Variants in ARHGAP24 observed in about 807,000 individuals in gnomAD.
ARHGAP24 encodes the protein rho GTPase-activating protein 24.
A neutral mutation model predicts 76.4 loss-of-function variants in ARHGAP24; 50 were observed. The ratio of observed to expected loss-of-function variants is 0.65; its 90% CI spans 0.52 to 0.83. ARHGAP24 has a LOEUF of 0.83. ARHGAP24 is among the 40% of genes least tolerant of loss of function. The pLI, the probability that ARHGAP24 is intolerant of heterozygous loss-of-function variation, is 0.00. For missense variants in ARHGAP24, 930 were observed against 914.2 expected (o/e 1.02, Z -0.22); for synonymous variants, 345 against 323.3 (o/e 1.07, Z -0.72).
At position 85,672,723 on chromosome 4, in the gene ARHGAP24, G is replaced by A. The variant is rs561422661; in HGVS notation, c.181-49162G>A. 3.9e-3 allele frequency among the ~76,000 whole-genome samples: 596 copies of A among 152,332 alleles called. 3 individuals are homozygous for A. The highest frequency in any genetic ancestry group is 7.2e-3 in the Non-Finnish European group (492 of 68,030). On this transcript the variant is annotated intron_variant, in intron 2 of 9. Coordinates refer to ENST00000395184, the MANE Select transcript of ARHGAP24 (RefSeq NM_001025616.3). ...ATGGTGGGGAAACATTTGATGCTAA[G>A]TGTCAATCAGGATGAGGACTGGGGA...
In ARHGAP24 at chr4:85,945,326, T is replaced by C. The variant is rs550049455; in HGVS notation, c.599+3053T>C. 4.0e-5 allele frequency among the ~76,000 whole-genome samples: 6 copies of C among 150,802 alleles called. No individual in the cohort carries two copies. The East Asian group carries it at 1.2e-3, about 30-fold the overall frequency. ...CCTGACTATTTTTTGTATATTTTGT[T>C]GAGATGGAGTTTCACCATGTTGGCC... On this transcript the variant is annotated intron_variant, in intron 5 of 9. Coordinates refer to ENST00000395184, the MANE Select transcript of ARHGAP24 (RefSeq NM_001025616.3).
intron 1 of ARHGAP24, among the ~76,000 whole-genome samples, chr4:85,490,020 T>G (rs555841998): frequency 3.9e-5 from 6 of 152,272 alleles, no homozygotes; most frequent in African/African-American, 1.4e-4. Flanking sequence ...ATGACATCAT[T>G]TATGAGCTGT....
intron 1 of ARHGAP24, among the ~76,000 whole-genome samples, chr4:85,527,830 C>T (rs1290324923): frequency 6.6e-6 from 1 of 152,104 alleles, no homozygotes; most frequent in East Asian, 1.9e-4. Context: ...GCAGAATCCT[C>T]TCATTTGATC....
chr4:85,936,500 G>A (rs1051050792), intron 4 of ARHGAP24, among the ~76,000 whole-genome samples: 3 of 152,036 alleles, frequency 2.0e-5, no homozygotes, highest in African/African-American at 7.2e-5. Context: ...GTGGCACCTT[G>A]CCTAAACCTC....
Position 85,484,842 on chromosome 4 carries a change from C to T in ARHGAP24, c.-21+9283C>T, listed in dbSNP as rs1287404795. 2.6e-5 allele frequency among the ~76,000 whole-genome samples: 4 copies of T among 152,170 alleles called. No homozygotes were observed. The East Asian group carries it at 7.8e-4, about 30-fold the overall frequency. On this transcript the variant is annotated intron_variant, in intron 1 of 9. Transcript: ENST00000395184. ...ATGTTGGCCAGGCTGGTCTCAAACT[C>T]CTGACCTCAAGTCATCTGCCTGCCT...
intron 1 of ARHGAP24, among the ~76,000 whole-genome samples, chr4:85,565,935 G>A (rs1726824777): frequency 6.6e-6 from 1 of 152,122 alleles, no homozygotes; most frequent in East Asian, 1.9e-4. Flanking sequence ...ATACTGTTGT[G>A]TTCTTGGCCC....
rs535056269 is a variant in ARHGAP24, at chr4:85,947,008, T to G, written c.599+4735T>G. ...ACCAACATCTGTTATTTTTTGACTTTTTAACAAAAGCTATTCTGACTAGTG... is the reference window on the plus strand; with the variant it reads ...ACCAACATCTGTTATTTTTTGACTTGTTAACAAAAGCTATTCTGACTAGTG... On this transcript the variant is annotated intron_variant, in intron 5 of 9. Coordinates refer to ENST00000395184, the MANE Select transcript of ARHGAP24 (RefSeq NM_001025616.3). Among the ~76,000 whole-genome samples, 24 of 152,308 alleles carry G rather than the reference T, an allele frequency of 1.6e-4. 1 individual carries two copies. In the South Asian group the frequency reaches 5.0e-3, roughly 32 times the overall value.
intron 2 of ARHGAP24, among the ~76,000 whole-genome samples, chr4:85,664,807 A>C (rs1169302523): frequency 6.6e-6 from 1 of 151,976 alleles, no homozygotes; most frequent in Non-Finnish European, 1.5e-5. Flanking sequence ...TTCAGTTTCC[A>C]CGTAGCTGAG....
chr4:85,674,014 A>G (rs1367032494), intron 2 of ARHGAP24, among the ~76,000 whole-genome samples: 2 of 152,146 alleles, frequency 1.3e-5, no homozygotes, highest in Non-Finnish European at 2.9e-5. Context: ...ACAGACTCTC[A>G]TGATGTCTTA....
At chr4:85,683,126 G>GGGGGGGT (rs1723286571) in intron 2 of ARHGAP24, among the ~76,000 whole-genome samples, 1 of 87,534 alleles carries the variant, frequency 1.1e-5, no homozygotes, top group Non-Finnish European at 2.1e-5. Flanking sequence ...GTGGGGGGGG[G>GGGGGGGT]GTGCGGGGGC....
chr4:85,932,927 G>T (rs1234900751), intron 4 of ARHGAP24, among the ~76,000 whole-genome samples: 2 of 152,112 alleles, frequency 1.3e-5, no homozygotes, highest in East Asian at 3.9e-4. Flanking sequence ...CCGCCACCTT[G>T]CTCTTGCTGC....
At chr4:85,572,011 A>G (rs1285506057) in intron 2 of ARHGAP24, among the ~76,000 whole-genome samples, 1 of 152,122 alleles carries the variant, frequency 6.6e-6, no homozygotes, top group African/African-American at 2.4e-5. Context: ...CTGTTATTTC[A>G]TTTGTCATTG....
intron 3 of ARHGAP24, among the ~76,000 whole-genome samples, chr4:85,728,890 G>A (rs916810629): frequency 9.9e-5 from 15 of 152,146 alleles, no homozygotes; most frequent in African/African-American, 3.6e-4. Context: ...TTAACTTGCT[G>A]TCATTTGAAA....
chr4:85,682,793 A>G (rs1723256824), intron 2 of ARHGAP24, among the ~76,000 whole-genome samples: 1 of 152,034 alleles, frequency 6.6e-6, no homozygotes, highest in South Asian at 2.1e-4. Context: ...AGAGTATTGG[A>G]CTCTCTGTAA....
chr4:85,647,714 A>C (rs1331739950), intron 2 of ARHGAP24, among the ~76,000 whole-genome samples: 1 of 152,138 alleles, frequency 6.6e-6, no homozygotes, highest in Non-Finnish European at 1.5e-5. Flanking sequence ...ATAATGAAGC[A>C]CTGAGTACTC....
At chr4:85,743,380 G>A (rs1578189960) in intron 3 of ARHGAP24, among the ~76,000 whole-genome samples, 1 of 111,112 alleles carries the variant, frequency 9.0e-6, no homozygotes, top group Non-Finnish European at 1.7e-5. Context: ...ACGCCAAGGC[G>A]GGATCCCATC....
rs182279639 is a variant in ARHGAP24, at chr4:85,749,190, G to A, written c.268+27218G>A. Among the ~76,000 whole-genome samples the A allele has an allele frequency of 2.5e-4, 38 of 152,260 alleles. No homozygotes were observed. The Middle Eastern group carries it at 0.01, about 41-fold the overall frequency. ...ATATGTTGTCTTTTTCTCATTTGCC[G>A]AAGGTAGATTCTAGGAATTCCTTCA... On this transcript the variant is annotated intron_variant, in intron 3 of 9. Transcript: ENST00000395184.
At chr4:85,984,586 G>A (rs753635250) in intron 8 of ARHGAP24, among the ~76,000 whole-genome samples, 6 of 152,024 alleles carry the variant, frequency 3.9e-5, no homozygotes, top group Non-Finnish European at 5.9e-5. Context: ...ATCTTGTTGG[G>A]GACACAAACA....
At chr4:85,722,079 A>C in intron 3 of ARHGAP24, 107 bp downstream of exon 3, 1 of 1,028,032 alleles carries the variant, frequency 9.7e-7, no homozygotes, top group South Asian at 1.3e-5. Flanking sequence ...TGAGAACCTT[A>C]ATTTGAGGCT....
Sources: gnomAD v4.1 joint callset for allele counts (sites outside exome capture counted in the v4.1 genomes callset) on GRCh38, gnomAD v4.1.1 for gene constraint, MANE v1.5 for transcripts, NCBI Gene and HGNC (gene_info 2026-07-23, HGNC 2026-07-21) for gene names.